Variants in EBF3 observed in about 807,000 individuals in gnomAD.
The protein encoded by EBF3 is EBF transcription factor 3.
A neutral mutation model predicts 77.1 loss-of-function variants in EBF3; 18 were observed. That is an observed-to-expected ratio of 0.23 (90% confidence interval 0.16 to 0.35). The LOEUF is 0.35. Among genes scored for constraint, EBF3 ranks in the 10% least tolerant of loss-of-function variants. The pLI, the probability that EBF3 is intolerant of heterozygous loss-of-function variation, is 1.00. For synonymous variants in EBF3, 350 were observed against 343.5 expected (o/e 1.02, Z -0.21); for missense variants, 558 against 860.0 (o/e 0.65, Z 4.39).
At chr10:129,874,041 C>T (rs1193571934) in intron 7 of EBF3, among the ~76,000 whole-genome samples, 2 of 152,028 alleles carry the variant, frequency 1.3e-5, no homozygotes, top group Non-Finnish European at 2.9e-5. Flanking sequence ...CAGAGTTGCC[C>T]AAAAAAGGCT....
rs181271524 is a variant in EBF3, at chr10:129,842,718, T to C, written c.1194+419A>G. Among the ~76,000 whole-genome samples the C allele has an allele frequency of 7.1e-6, 1 of 140,554 alleles. No individual in the cohort carries two copies. Among genetic ancestry groups the C allele is most frequent in the Non-Finnish European group, 1.5e-5 (1 of 66,560 alleles). The allele number at this position is 140,554 out of a possible 152,430, so 92.2% of individuals were successfully genotyped here. The stretch of plus-strand genomic sequence containing the variant: ...GGTGGAGGTTGCAGTGAACCGACAC[T>C]GCCCTACTGCACTCCAGCCTGGGTG... On this transcript the variant is annotated intron_variant, in intron 12 of 16. Coordinates refer to ENST00000440978, the MANE Select transcript of EBF3 (RefSeq NM_001375380.1). This position sits in a 1 kb window ranked among gnomAD's most constrained non-coding sequence, Gnocchi z 4.4.
intron 6 of EBF3, among the ~76,000 whole-genome samples, chr10:129,949,306 A>C (rs1858481000): frequency 6.6e-6 from 1 of 152,198 alleles, no homozygotes; most frequent in African/African-American, 2.4e-5. Context: ...CCGTCTCAAA[A>C]ACACACACAG....
At chr10:129,912,462 C>T (rs538855231) in intron 6 of EBF3, among the ~76,000 whole-genome samples, 11 of 152,150 alleles carry the variant, frequency 7.2e-5, no homozygotes, top group African/African-American at 2.2e-4. Flanking sequence ...GATCTCTTGT[C>T]TACAAAGCAG....
At position 129,867,285 on chromosome 10, in the gene EBF3, T is replaced by C; in HGVS notation, c.913-18A>G. 6.2e-7 allele frequency: 1 copy of C among 1,613,608 alleles called. No individual in the cohort carries two copies. The highest frequency in any genetic ancestry group is 8.5e-7 in the Non-Finnish European group (1 of 1,179,896). ...GTTATCAGCTACAAAAACCACACGG[T>C]GAACAGGCGCTCAGCGGCGCTGGCT... On this transcript the variant is annotated intron_variant, in intron 9 of 16. Transcript: ENST00000440978.
chr10:129,917,681 T>TAAAAAAAAAAAAAAAAAAAAAAAAAAA (rs1239226466), intron 6 of EBF3, among the ~76,000 whole-genome samples: 125 of 60,430 alleles, frequency 2.1e-3, no homozygotes, highest in Non-Finnish European at 2.8e-3. Flanking sequence ...AAAAAAAAAC[T>TAAAAAAAAAAAAAAAAAAAAAAAAAAA]AAAACCAAGC....
At chr10:129,962,433 T>C (rs1386255015) in intron 3 of EBF3, among the ~76,000 whole-genome samples, 1 of 152,114 alleles carries the variant, frequency 6.6e-6, no homozygotes, top group Non-Finnish European at 1.5e-5. Flanking sequence ...CTTAAGGCTC[T>C]TAGGGCTTGC....
rs576221801 is a variant in EBF3 at position 129,925,037 on chromosome 10, T to C, written c.554+32221A>G. ...CTAAAATGTGGAAGCCACCCAAGTA[T>C]CCATCAATGGGTGAATGGATAAGCA... is the stretch of plus-strand genomic sequence containing the variant. On this transcript the variant is annotated intron_variant, in intron 6 of 16. Transcript: ENST00000440978. Among the ~76,000 whole-genome samples, 17 of 152,256 alleles carry C rather than the reference T, an allele frequency of 1.1e-4. No individual in the cohort carries two copies. The South Asian group carries it at 3.5e-3, about 32-fold the overall frequency.
At chr10:129,869,245 A>T (rs1852241428) in intron 8 of EBF3, among the ~76,000 whole-genome samples, 1 of 152,198 alleles carries the variant, frequency 6.6e-6, no homozygotes, top group Non-Finnish European at 1.5e-5. Context: ...GATGAACCCT[A>T]GAATAAGGGA....
In EBF3 at chr10:129,867,065, C is replaced by T. The variant is rs905285127; in HGVS notation, c.1039+76G>A. Reference sequence around the variant, plus strand: ...CCCTGCCCTCTCTGTACAGTCCTCCCGTGCCCTCATGAGCACCTCCTGGTG... The same window carrying T: ...CCCTGCCCTCTCTGTACAGTCCTCCTGTGCCCTCATGAGCACCTCCTGGTG... On this transcript the variant is annotated intron_variant, in intron 10 of 16. Transcript: ENST00000440978. The T allele has an allele frequency of 5.2e-6, 8 of 1,540,614 alleles. No individual in the cohort carries two copies. In the African/African-American group the frequency reaches 6.9e-5, roughly 13 times the overall value.
At chr10:129,872,950 T>C (rs1204213373) in intron 8 of EBF3, among the ~76,000 whole-genome samples, 1 of 151,082 alleles carries the variant, frequency 6.6e-6, no homozygotes, top group East Asian at 1.9e-4. Flanking sequence ...AAAAAACGTA[T>C]GCTGGTTGGT....
chr10:129,924,682 T>C (rs1856545360), intron 6 of EBF3, among the ~76,000 whole-genome samples: 1 of 152,200 alleles, frequency 6.6e-6, no homozygotes. Context: ...TTCTTTTTTC[T>C]TGAGACATAG....
chr10:129,932,885 C>CT (rs1221192013), intron 6 of EBF3, among the ~76,000 whole-genome samples: 1 of 114,004 alleles, frequency 8.8e-6, no homozygotes, highest in Non-Finnish European at 1.7e-5. Context: ...TCAACCATTT[C>CT]TTTTTTTTCC....
intron 4 of EBF3, among the ~76,000 whole-genome samples, chr10:129,961,271 G>A (rs1290968061): frequency 1.3e-5 from 2 of 152,122 alleles, no homozygotes; most frequent in East Asian, 1.9e-4. Flanking sequence ...AATCTGTGCC[G>A]AGTGGATTTA....
intron 6 of EBF3, among the ~76,000 whole-genome samples, chr10:129,953,414 C>G (rs1005026605): frequency 1.3e-5 from 2 of 151,530 alleles, no homozygotes; most frequent in African/African-American, 4.9e-5. Flanking sequence ...CAACCCCCAC[C>G]AAAACTAAAG....
chr10:129,939,854 G>A (rs1266821017), intron 6 of EBF3, among the ~76,000 whole-genome samples: 1 of 152,246 alleles, frequency 6.6e-6, no homozygotes, highest in Non-Finnish European at 1.5e-5. Context: ...GCACTTAGGA[G>A]CAAAATCTTT....
chr10:129,873,706 G>A (rs1289682021), intron 7 of EBF3, 110 bp from the exon 8 acceptor site: 10 of 1,207,110 alleles, frequency 8.3e-6, no homozygotes, highest in Middle Eastern at 4.6e-4. Context: ...GAAATTTCAC[G>A]TGTTCCTGGA....
chr10:129,912,303 CAT>C (rs1855581756), intron 6 of EBF3, among the ~76,000 whole-genome samples: 1 of 152,190 alleles, frequency 6.6e-6, no homozygotes, highest in Admixed American at 6.5e-5. Context: ...CGGGCCTTTA[CAT>C]CCTTACCAGG....
intron 15 of EBF3, among the ~76,000 whole-genome samples, chr10:129,839,824 G>GC (rs1279278957): frequency 3.9e-5 from 6 of 152,200 alleles, no homozygotes; most frequent in African/African-American, 1.4e-4. Flanking sequence ...ATAGCAGGCT[G>GC]CAAGCCCAGG....
chr10:129,894,803 T>A (rs771027020), intron 6 of EBF3, among the ~76,000 whole-genome samples: 8 of 152,234 alleles, frequency 5.3e-5, no homozygotes, highest in Non-Finnish European at 1.2e-4. Flanking sequence ...CTCAGCTTCC[T>A]CTGACAGTAG....
Sources: allele counts gnomAD v4.1 joint callset (sites outside exome capture counted in the v4.1 genomes callset), GRCh38; gene constraint gnomAD v4.1.1; non-coding constraint Gnocchi (gnomAD v3.1); transcripts MANE v1.5; gene names NCBI Gene and HGNC (gene_info 2026-07-23, HGNC 2026-07-21).